Variants in MAMDC2 observed in about 807,000 individuals in gnomAD.
The protein encoded by MAMDC2 is MAM domain-containing protein 2.
A neutral mutation model predicts 89.8 loss-of-function variants in MAMDC2; 57 were observed. The ratio of observed to expected loss-of-function variants is 0.63; its 90% CI spans 0.51 to 0.79. The LOEUF is 0.79. Ranked by LOEUF, MAMDC2 falls within the 30% of genes least tolerant of loss-of-function variation. MAMDC2 has a pLI of 0.00. For missense variants in MAMDC2, 800 were observed against 820.6 expected (o/e 0.97, Z 0.31); for synonymous variants, 313 against 293.4 (o/e 1.07, Z -0.68).
chr9:70,140,046 C>T, intron 7 of MAMDC2, 99 bp from the exon 8 acceptor site: 1 of 1,274,624 alleles, frequency 7.8e-7, no homozygotes, highest in Non-Finnish European at 1.0e-6. Context: ...CTTCGGTCTC[C>T]CCTGGTACAA....
intron 11 of MAMDC2, among the ~76,000 whole-genome samples, chr9:70,199,797 G>A (rs2033058742): frequency 1.4e-5 from 2 of 146,646 alleles, no homozygotes. Context: ...TTCTCTGAGG[G>A]CCAGTGATGA....
chr9:70,139,021 C>T (rs1291789593), intron 7 of MAMDC2, among the ~76,000 whole-genome samples: 1 of 151,946 alleles, frequency 6.6e-6, no homozygotes, highest in Admixed American at 6.6e-5. Context: ...TCTTCCTTTT[C>T]TCTTTTTTCT....
chr9:70,063,901 C>A (rs1480815111), intron 2 of MAMDC2, among the ~76,000 whole-genome samples: 1 of 152,052 alleles, frequency 6.6e-6, no homozygotes, highest in Non-Finnish European at 1.5e-5. Flanking sequence ...GGCTTCATTC[C>A]AAAGCCTGTT....
chr9:70,128,005 T>G (rs1234743783), intron 6 of MAMDC2, among the ~76,000 whole-genome samples: 1 of 151,974 alleles, frequency 6.6e-6, no homozygotes, highest in Non-Finnish European at 1.5e-5. Flanking sequence ...AAGTTACAAC[T>G]CTGGACACTA....
In MAMDC2 at chr9:70,142,153, A is replaced by G. The variant is rs139865392; in HGVS notation, c.1139-1401A>G. Among the ~76,000 whole-genome samples the G allele has an allele frequency of 3.8e-3, 573 of 152,270 alleles. 2 individuals carry two copies. Among genetic ancestry groups the G allele is most frequent in the African/African-American group, 0.013 (547 of 41,566 alleles). Reference sequence around the variant, plus strand: ...GAGACAGAATAGAGGGAAGAATCTAATTTGGGTTCAGGATTCAGGGAAATT... The same window carrying G: ...GAGACAGAATAGAGGGAAGAATCTAGTTTGGGTTCAGGATTCAGGGAAATT... On this transcript the variant is annotated intron_variant, in intron 8 of 13. Transcript: ENST00000377182.
At chr9:70,045,526 C>G (rs1218898929) in intron 2 of MAMDC2, among the ~76,000 whole-genome samples, 3 of 152,250 alleles carry the variant, frequency 2.0e-5, no homozygotes, top group Non-Finnish European at 2.9e-5. Context: ...AAATAGCCTT[C>G]TTTAAAAAAC....
At chr9:70,142,832 G>T (rs1402955274) in intron 8 of MAMDC2, among the ~76,000 whole-genome samples, 1 of 152,104 alleles carries the variant, frequency 6.6e-6, no homozygotes, top group Non-Finnish European at 1.5e-5. Flanking sequence ...AAAAGAAAGA[G>T]AAAAAATAAG....
Position 70,109,795 on chromosome 9 carries a change from T to G in MAMDC2, c.496T>G (p.Tyr166Asp). 6.2e-7 allele frequency: 1 copy of G among 1,613,352 alleles called. No individual in the cohort carries two copies. The highest frequency in any genetic ancestry group is 1.3e-5 in the African/African-American group (1 of 75,046). Residue 166 changes from tyrosine (Y) to aspartate (D), a missense_variant, in exon 4 of 14, where the codon TAC becomes GAC. By Grantham distance (160) the Tyr-to-Asp change is radical. Coordinates refer to ENST00000377182, the MANE Select transcript of MAMDC2 (RefSeq NM_153267.5). ...ATTTGAAATCAAGATGACAACCGGC[T>G]ACTGTATTGGTAAGTGGGCTTCATT... Reference protein sequence around the residue: ...ALFEIKMTTGYCIECDFEENH... With the variant: ...ALFEIKMTTGDCIECDFEENH...
intron 2 of MAMDC2, among the ~76,000 whole-genome samples, chr9:70,076,111 C>T (rs1166889236): frequency 6.6e-6 from 1 of 152,130 alleles, no homozygotes; most frequent in South Asian, 2.1e-4. Flanking sequence ...TTGAAGGCTC[C>T]CTGATAGCTG....
At chr9:70,145,931 AC>A (rs1351057700) in intron 9 of MAMDC2, among the ~76,000 whole-genome samples, 1 of 152,190 alleles carries the variant, frequency 6.6e-6, no homozygotes, top group African/African-American at 2.4e-5. Flanking sequence ...CAGAAGGGCT[AC>A]ATAAAAAGAC....
At chr9:70,053,241 T>C (rs1826952618) in intron 2 of MAMDC2, among the ~76,000 whole-genome samples, 1 of 152,214 alleles carries the variant, frequency 6.6e-6, no homozygotes, top group Non-Finnish European at 1.5e-5. Flanking sequence ...ATATTTGCTT[T>C]CTCTACTTTG....
At chr9:70,222,858 G>T (rs1049421512) in intron 12 of MAMDC2, among the ~76,000 whole-genome samples, 5 of 152,132 alleles carry the variant, frequency 3.3e-5, no homozygotes, top group African/African-American at 1.2e-4. Flanking sequence ...ACTCAGGTTG[G>T]CAGGGTGCGG....
chr9:70,137,805 A>G (rs2031063587), intron 7 of MAMDC2, among the ~76,000 whole-genome samples: 1 of 152,152 alleles, frequency 6.6e-6, no homozygotes, highest in Admixed American at 6.5e-5. Flanking sequence ...CTGTATCCCA[A>G]CTGCTACAGT....
chr9:70,089,950 T>C (rs1409080433), intron 2 of MAMDC2, among the ~76,000 whole-genome samples: 1 of 152,130 alleles, frequency 6.6e-6, no homozygotes, highest in East Asian at 1.9e-4. Context: ...GAAGGTGTTT[T>C]CAAAACTCAT....
chr9:70,200,771 C>T (rs2033085614), intron 11 of MAMDC2, among the ~76,000 whole-genome samples: 1 of 150,478 alleles, frequency 6.6e-6, no homozygotes, highest in Admixed American at 6.6e-5. Flanking sequence ...CCTTCATATC[C>T]CTTGTAAGTT....
At chr9:70,215,388 G>C (rs1244154548) in intron 11 of MAMDC2, among the ~76,000 whole-genome samples, 1 of 152,182 alleles carries the variant, frequency 6.6e-6, no homozygotes, top group Non-Finnish European at 1.5e-5. Flanking sequence ...GGGAAAGTTG[G>C]CAGCTATGCC....
chr9:70,207,057 C>G (rs1039823655), intron 11 of MAMDC2, among the ~76,000 whole-genome samples: 25 of 152,172 alleles, frequency 1.6e-4, no homozygotes, highest in Non-Finnish European at 4.4e-5. Flanking sequence ...GGTTCCAAGG[C>G]TTTGCTATTG....
chr9:70,048,406 C>T lies in MAMDC2; in HGVS notation c.148+3709C>T, dbSNP rs143466625. Among the ~76,000 whole-genome samples, 7 of 152,266 alleles carry T rather than the reference C, an allele frequency of 4.6e-5. No homozygotes were observed. In the South Asian group the frequency reaches 1.2e-3, roughly 27 times the overall value. On this transcript the variant is annotated intron_variant, in intron 2 of 13. Coordinates refer to ENST00000377182, the MANE Select transcript of MAMDC2 (RefSeq NM_153267.5). ...TCTCCTGCCTCAGCCTCTGGAGTAA[C>T]TGGGGCATGCACCTGTAGTACCATC... is the stretch of plus-strand genomic sequence containing the variant.
At chr9:70,134,914 G>C (rs536183367) in intron 7 of MAMDC2, among the ~76,000 whole-genome samples, 2 of 152,298 alleles carry the variant, frequency 1.3e-5, no homozygotes, top group Admixed American at 1.3e-4. Context: ...AAGGTTAGCA[G>C]TGTAGAGAAC....
Sources: gnomAD v4.1 joint callset for allele counts (sites outside exome capture counted in the v4.1 genomes callset) on GRCh38, gnomAD v4.1.1 for gene constraint, MANE v1.5 for transcripts, NCBI Gene and HGNC (gene_info 2026-07-23, HGNC 2026-07-21) for gene names.